Variants in AP3M1 observed in about 807,000 individuals in gnomAD.
AP3M1 encodes the protein adaptor related protein complex 3 subunit mu 1, also known as AP-3 complex subunit mu-1.
A neutral mutation model predicts 42.6 loss-of-function variants in AP3M1; 29 were observed. The observed-to-expected ratio is 0.68, with a 90% confidence interval of 0.51 to 0.93. The LOEUF (loss-of-function observed/expected upper bound fraction) is 0.93. AP3M1 is among the 40% of genes least tolerant of loss of function. The pLI, the probability that AP3M1 is intolerant of heterozygous loss-of-function variation, is 0.00. For synonymous variants in AP3M1, 178 were observed against 175.3 expected, an observed-to-expected ratio of 1.02 and a Z score of -0.12; for missense variants, 416 against 510.2, an observed-to-expected ratio of 0.82 and a Z score of 1.78.
intron 4 of AP3M1, among the ~76,000 whole-genome samples, chr10:74,133,673 T>C (rs1334492370): frequency 6.6e-6 from 1 of 151,596 alleles, no homozygotes; most frequent in Non-Finnish European, 1.5e-5. Context: ...CTTCTTCTTT[T>C]TTTTTTTTTT....
intron 1 of AP3M1, among the ~76,000 whole-genome samples, chr10:74,139,231 T>C (rs1030324256): frequency 6.6e-6 from 1 of 152,006 alleles, no homozygotes; most frequent in African/African-American, 2.4e-5. Context: ...AAAAAAAACC[T>C]ATTAGAGCTA....
At chr10:74,146,049 A>G (rs569586108) in intron 1 of AP3M1, among the ~76,000 whole-genome samples, 1 of 152,326 alleles carries the variant, frequency 6.6e-6, no homozygotes, top group Admixed American at 6.5e-5. Flanking sequence ...GAGTTCCTAT[A>G]CTCACAGCAT....
intron 1 of AP3M1, among the ~76,000 whole-genome samples, chr10:74,140,922 G>GA (rs1253704668): frequency 1.3e-5 from 2 of 152,040 alleles, no homozygotes; most frequent in Non-Finnish European, 2.9e-5. Context: ...AAAACTCTTA[G>GA]AAAAAATATG....
chr10:74,120,355 C>T lies in AP3M1; in HGVS notation c.*3455G>A, dbSNP rs533653446. 5 of 152,262 alleles carry T rather than the reference C, an allele frequency of 3.3e-5. No homozygotes were observed. The East Asian group carries it at 7.7e-4, about 23-fold the overall frequency. 9.4% of individuals were successfully genotyped at this position (152,262 alleles called of 1,614,324 possible). ...CAAGGATGTGTGTAATACAAGACAA[C>T]CCTGGGGATTACACACTTGAAGGAA... On this transcript the variant is annotated 3_prime_UTR_variant, in exon 9 of 9. Transcript: ENST00000355264.
chr10:74,144,726 G>T (rs928077018), intron 1 of AP3M1, among the ~76,000 whole-genome samples: 1 of 150,732 alleles, frequency 6.6e-6, no homozygotes, highest in Non-Finnish European at 1.5e-5. Context: ...GCAATGGCAC[G>T]ATTTCCTCTT....
At chr10:74,137,979 G>T in intron 2 of AP3M1, 128 bp downstream of exon 2, 1 of 983,036 alleles carries the variant, frequency 1.0e-6, no homozygotes, top group Non-Finnish European at 1.5e-6. Flanking sequence ...AAGGGCTTAT[G>T]AATTTACGCT....
At chr10:74,143,158 C>T (rs1462878088) in intron 1 of AP3M1, among the ~76,000 whole-genome samples, 2 of 152,224 alleles carry the variant, frequency 1.3e-5, no homozygotes, top group East Asian at 3.9e-4. Context: ...CAAGGCCATC[C>T]TGGCCAGCAT....
intron 6 of AP3M1, chr10:74,128,799 C>A: frequency 4.5e-6 from 1 of 221,106 alleles, no homozygotes; most frequent in South Asian, 8.2e-5. Context: ...GAACCAGTGC[C>A]ATAATTTGAC....
In AP3M1 at chr10:74,138,145, C is replaced by A; in HGVS notation, c.235G>T (p.Val79Leu). The change falls in exon 2 of 9, where the codon GTA (valine) becomes TTA (leucine). Residue 79 changes from valine (V) to leucine (L), a missense_variant. By Grantham distance (32) the Val-to-Leu change is conservative. Transcript: ENST00000355264. ...GCAACTCGATGTAGGAACTCAATTA[C>A]AAAGAGAGGTGGCACTTCGGTCTGT... ...VIQTEVPPLF[V>L]IEFLHRVADT... 6.2e-7 allele frequency: 1 copy of A among 1,613,994 alleles called. No homozygotes were observed. The highest frequency in any genetic ancestry group is 8.5e-7 in the Non-Finnish European group (1 of 1,179,964).
At chr10:74,147,755 C>T (rs886752984) in intron 1 of AP3M1, among the ~76,000 whole-genome samples, 3 of 151,972 alleles carry the variant, frequency 2.0e-5, no homozygotes, top group East Asian at 1.9e-4. Context: ...AATCCCAGCA[C>T]TTTGGGAGGC....
chr10:74,123,777 A>T lies in AP3M1; in HGVS notation c.*33T>A. The stretch of plus-strand genomic sequence containing the variant: ...TGATACATCGTAATGACACTTGGAA[A>T]ACAAACTGGTCCTGAGGAATTTTGG... On this transcript the variant is annotated 3_prime_UTR_variant, in exon 9 of 9. Transcript: ENST00000355264. 6.5e-7 allele frequency: 1 copy of T among 1,543,366 alleles called. No homozygotes were observed. The highest frequency in any genetic ancestry group is 9.0e-7 in the Non-Finnish European group (1 of 1,115,796).
chr10:74,123,883 T>C lies in AP3M1; in HGVS notation c.1184A>G (p.Tyr395Cys). Residue 395 changes from tyrosine to cysteine, a missense_variant, in exon 9 of 9, where the codon TAT (tyrosine) becomes TGT (cysteine). Transcript: ENST00000355264. ...SGLKVNRLDM[Y>C]GEKYKPFKGV... Reference sequence around the variant, plus strand: ...TTTAAATGGCTTATATTTCTCCCCATACATGTCCAAACGGTTTACTTTTAA... The same window carrying C: ...TTTAAATGGCTTATATTTCTCCCCACACATGTCCAAACGGTTTACTTTTAA... 6.2e-7 allele frequency: 1 copy of C among 1,614,090 alleles called. No homozygotes were observed. Among genetic ancestry groups the C allele is most frequent in the Non-Finnish European group, 8.5e-7 (1 of 1,179,944 alleles).
At chr10:74,125,087 G>A (rs1381866924) in intron 7 of AP3M1, among the ~76,000 whole-genome samples, 1 of 152,046 alleles carries the variant, frequency 6.6e-6, no homozygotes, top group East Asian at 1.9e-4. Context: ...TTCAAGCGAT[G>A]CTCCTGCCTC....
chr10:74,126,651 GT>G (rs958179229), intron 6 of AP3M1, among the ~76,000 whole-genome samples: 9 of 152,152 alleles, frequency 5.9e-5, no homozygotes, highest in Admixed American at 3.3e-4. Flanking sequence ...GAGGTCAGGA[GT>G]TTGAGACCAG....
chr10:74,126,962 C>T (rs193097840), intron 6 of AP3M1, among the ~76,000 whole-genome samples: 79 of 86,686 alleles, frequency 9.1e-4, no homozygotes, highest in Admixed American at 4.3e-3. Flanking sequence ...AGGAGCGAGA[C>T]GCCATCTCAA....
intron 4 of AP3M1, among the ~76,000 whole-genome samples, chr10:74,131,123 AAAAC>A (rs1840767584): frequency 6.6e-6 from 1 of 152,098 alleles, no homozygotes; most frequent in East Asian, 1.9e-4. Context: ...AAAACAAAAT[AAAAC>A]AAACCAACCA....
At chr10:74,133,944 C>T (rs964645061) in intron 4 of AP3M1, 83 bp downstream of exon 4, 38 of 1,546,944 alleles carry the variant, frequency 2.5e-5, no homozygotes, top group African/African-American at 1.1e-4. Context: ...TGAGCCACCG[C>T]GCCCGGCCAG....
Position 74,136,505 on chromosome 10 carries a change from A to G in AP3M1, c.445+127T>C, listed in dbSNP as rs564401083. ...ATAAATATATAGTACATCCATTTTA[A>G]CTTTACCAGTAACTTTAATTATGGC... On this transcript the variant is annotated intron_variant, in intron 3 of 8. Transcript: ENST00000355264. The G allele has an allele frequency of 2.2e-5, 14 of 632,424 alleles. No homozygotes were observed. In the African/African-American group the frequency reaches 2.3e-4, roughly 10 times the overall value. The allele number at this position is 632,424 out of a possible 1,614,324, so 39.2% of individuals were successfully genotyped here. A position where few individuals can be genotyped will look rare whatever the true frequency, so the allele number is the denominator to read the frequency against.
At chr10:74,124,193 T>C (rs547823231) in intron 8 of AP3M1, among the ~76,000 whole-genome samples, 187 bp downstream of exon 8, 1 of 152,270 alleles carries the variant, frequency 6.6e-6, no homozygotes, top group South Asian at 2.1e-4. Flanking sequence ...GGGAAGCTGT[T>C]TGAAATAAGG....
Sources: gnomAD v4.1 joint callset for allele counts (sites outside exome capture counted in the v4.1 genomes callset) on GRCh38, gnomAD v4.1.1 for gene constraint, MANE v1.5 for transcripts, NCBI Gene and HGNC (gene_info 2026-07-23, HGNC 2026-07-21) for gene names.